Variants in SLC44A1 observed in about 807,000 individuals in gnomAD.
SLC44A1 encodes choline transporter-like protein 1.
A neutral mutation model predicts 79.3 loss-of-function variants in SLC44A1; 26 were observed. That is an observed-to-expected ratio of 0.33 (90% CI 0.24 to 0.46). SLC44A1 has a LOEUF of 0.46. SLC44A1 is among the 20% of genes least tolerant of loss of function. SLC44A1 has a pLI of 1.00. For synonymous variants in SLC44A1, 263 were observed against 286.2 expected (o/e 0.92, Z 0.82); for missense variants, 688 against 798.1 (o/e 0.86, Z 1.66).
At chr9:105,398,191 A>G (rs998377963), downstream of SLC44A1, among the ~76,000 whole-genome samples, 1 of 152,228 alleles carries the variant, frequency 6.6e-6, no homozygotes, top group Non-Finnish European at 1.5e-5. Flanking sequence ...GTTAGGGACG[A>G]AGGAAGGGAT....
intron 3 of SLC44A1, among the ~76,000 whole-genome samples, chr9:105,324,658 T>G (rs1011931942): frequency 5.3e-5 from 8 of 152,188 alleles, no homozygotes; most frequent in Admixed American, 4.6e-4. Context: ...TTACTCTGTC[T>G]TACTCAGAGA....
chr9:105,308,935 A>G (rs1428317202), intron 2 of SLC44A1, among the ~76,000 whole-genome samples: 1 of 152,136 alleles, frequency 6.6e-6, no homozygotes, highest in Admixed American at 6.5e-5. Context: ...TGCATGCTTG[A>G]CTTAGCAAGC....
chr9:105,304,949 T>G (rs1564426096), intron 2 of SLC44A1, among the ~76,000 whole-genome samples: 11 of 69,636 alleles, frequency 1.6e-4, no homozygotes, highest in African/African-American at 8.5e-4. Context: ...CTATCGTTTT[T>G]TTTTTTTTTT....
At chr9:105,249,286 A>C (rs992090587) in intron 1 of SLC44A1, among the ~76,000 whole-genome samples, 26 of 152,342 alleles carry the variant, frequency 1.7e-4, no homozygotes, top group African/African-American at 6.3e-4. Context: ...TGGAGTTTGA[A>C]GTGAGATGGT....
At chr9:105,278,188 A>C (rs1490650397) in intron 1 of SLC44A1, among the ~76,000 whole-genome samples, 1 of 151,760 alleles carries the variant, frequency 6.6e-6, no homozygotes, top group Non-Finnish European at 1.5e-5. Flanking sequence ...CAGCCTCCTG[A>C]GTAGGTGGGA....
intron 1 of SLC44A1, among the ~76,000 whole-genome samples, chr9:105,270,026 T>A (rs1830042849): frequency 6.6e-6 from 1 of 152,224 alleles, no homozygotes; most frequent in South Asian, 2.1e-4. Context: ...AAATTTTGGT[T>A]ATACATGTAA....
intron 1 of SLC44A1, among the ~76,000 whole-genome samples, chr9:105,285,524 C>T (rs899758006): frequency 2.0e-5 from 3 of 152,300 alleles, no homozygotes; most frequent in Middle Eastern, 3.4e-3. Context: ...GTGTGAGCAA[C>T]AAGGCTGTTT....
chr9:105,374,794 C>G (rs1446673837), intron 13 of SLC44A1, 59 bp downstream of exon 13: 3 of 1,381,220 alleles, frequency 2.2e-6, no homozygotes, highest in South Asian at 1.3e-5. Flanking sequence ...TTTATTTGCT[C>G]TTTTATTTTA....
downstream of SLC44A1, among the ~76,000 whole-genome samples, chr9:105,402,023 A>G (rs1564053000): frequency 1.3e-5 from 2 of 152,352 alleles, no homozygotes; most frequent in Admixed American, 6.5e-5. Context: ...GATTCTACCC[A>G]GAATAGAAGC....
At chr9:105,282,760 G>A (rs1412028727) in intron 1 of SLC44A1, among the ~76,000 whole-genome samples, 2 of 152,076 alleles carry the variant, frequency 1.3e-5, no homozygotes, top group South Asian at 2.1e-4. Context: ...TGTTGGCCAG[G>A]CTGGTCTTGA....
intron 3 of SLC44A1, among the ~76,000 whole-genome samples, chr9:105,330,003 A>T (rs999122349): frequency 1.3e-5 from 2 of 152,298 alleles, no homozygotes; most frequent in East Asian, 3.9e-4. Context: ...GTTCTTCTCT[A>T]GACTGTAACT....
At chr9:105,414,102 G>A (rs187219951) in intron 15 of SLC44A1, among the ~76,000 whole-genome samples, 80 of 148,120 alleles carry the variant, frequency 5.4e-4, no homozygotes, top group African/African-American at 1.8e-3. Flanking sequence ...TTGCTCTGTC[G>A]CCCAGGCTGG....
chr9:105,416,332 A>ACC (rs919475148), intron 15 of SLC44A1, among the ~76,000 whole-genome samples: 2 of 152,100 alleles, frequency 1.3e-5, no homozygotes, highest in Non-Finnish European at 2.9e-5. Context: ...TTAGAGAAAA[A>ACC]TTGGTTCTTC....
chr9:105,270,069 T>C (rs1316987286), intron 1 of SLC44A1, among the ~76,000 whole-genome samples: 2 of 152,204 alleles, frequency 1.3e-5, no homozygotes, highest in Non-Finnish European at 2.9e-5. Flanking sequence ...TTAAAATTTA[T>C]TGAAAAAAAT....
At chr9:105,367,849 A>G (rs553949022) in intron 12 of SLC44A1, among the ~76,000 whole-genome samples, 20 of 152,194 alleles carry the variant, frequency 1.3e-4, no homozygotes, top group East Asian at 5.8e-4. Context: ...ACAACACTAT[A>G]TCGAAGTTAT....
chr9:105,273,562 A>G (rs328016), intron 1 of SLC44A1, among the ~76,000 whole-genome samples: 5,871 of 152,174 alleles, frequency 0.039, 118 homozygotes, highest in Middle Eastern at 0.11. Context: ...CTCTTATATC[A>G]TTTCATGGTG....
At position 105,385,449 on chromosome 9, in the gene SLC44A1, A is replaced by C; in HGVS notation, c.1897A>C (p.Met633Leu). The part of the protein sequence containing the change: ...MEFVENSRKA[M>L]KEAGKGGVAD... The stretch of plus-strand genomic sequence containing the variant: ...GTTTGTGGAAAACAGTAGGAAAGCA[A>C]TGAAAGAAGCTGGTAAGGGAGGCGT... The change falls in exon 15 of 16, where the codon ATG (methionine) becomes CTG (leucine). Residue 633 changes from methionine (M) to leucine (L), a missense_variant. Physicochemically the swap from Met to Leu is conservative, Grantham distance 15. Coordinates refer to ENST00000374720, the MANE Select transcript of SLC44A1 (RefSeq NM_080546.5). 3 of 1,587,420 alleles carry C rather than the reference A, an allele frequency of 1.9e-6. No individual in the cohort carries two copies. Among genetic ancestry groups the C allele is most frequent in the Non-Finnish European group, 2.6e-6 (3 of 1,166,526 alleles).
At chr9:105,248,871 A>G (rs1258149382) in intron 1 of SLC44A1, among the ~76,000 whole-genome samples, 1 of 152,264 alleles carries the variant, frequency 6.6e-6, no homozygotes, top group African/African-American at 2.4e-5. Context: ...AGTTTGAATG[A>G]ATCTTTTGAA....
chr9:105,263,942 T>A (rs774156580), intron 1 of SLC44A1, among the ~76,000 whole-genome samples: 3 of 152,134 alleles, frequency 2.0e-5, no homozygotes, highest in Non-Finnish European at 4.4e-5. Flanking sequence ...CTTTTAAATC[T>A]TTAATTCTTT....
Sources: gnomAD v4.1 joint callset for allele counts (sites outside exome capture counted in the v4.1 genomes callset) on GRCh38, gnomAD v4.1.1 for gene constraint, MANE v1.5 for transcripts, NCBI Gene and HGNC (gene_info 2026-07-23, HGNC 2026-07-21) for gene names.